Variants in AVEN observed in about 807,000 individuals in gnomAD.
AVEN encodes cell death regulator Aven.
In AVEN, 41 loss-of-function variants were observed where a neutral mutation model predicts 38.1. The ratio of observed to expected loss-of-function variants is 1.08; its 90% CI spans 0.84 to 1.40. The LOEUF is 1.40. Among genes scored for constraint, AVEN ranks in the 40% most tolerant of loss-of-function variants. AVEN has a pLI of 0.00. For missense variants in AVEN, 605 were observed against 438.8 expected, an observed-to-expected ratio of 1.38 and a Z score of -3.38; for synonymous variants, 206 against 171.8, an observed-to-expected ratio of 1.20 and a Z score of -1.56.
At chr15:33,863,831 G>A (rs1458087546), downstream of AVEN, among the ~76,000 whole-genome samples, 10 of 152,116 alleles carry the variant, frequency 6.6e-5, no homozygotes, top group Admixed American at 6.5e-4. Context: ...CCATTTTATT[G>A]TTTTATTAGA....
rs1346419680 is a variant in AVEN at position 33,859,861 on chromosome 15, A to AT, written n.2730-768dup. ...TTACTTGTTAATTTAGCAAGAACTA[A>AT]TTTAGCATCTACTATACCTGAGGCT... On this transcript the variant is annotated intron_variant and non_coding_transcript_variant, in intron 11 of 11. Transcript: ENST00000675287. 1.3e-5 allele frequency: 13 copies of AT among 1,012,598 alleles called. No homozygotes were observed. The Admixed American group carries it at 3.2e-4, about 25-fold the overall frequency. The allele number at this position is 1,012,598 out of a possible 1,614,324, so 62.7% of individuals were successfully genotyped here.
chr15:34,031,414 A>G (rs1898813288), intron 1 of AVEN, among the ~76,000 whole-genome samples: 1 of 151,956 alleles, frequency 6.6e-6, no homozygotes, highest in Non-Finnish European at 1.5e-5. Flanking sequence ...ACCTCAGGTG[A>G]TCTGCCTGCC....
chr15:33,901,035 G>A (rs563299209), intron 2 of AVEN, among the ~76,000 whole-genome samples: 38 of 152,308 alleles, frequency 2.5e-4, no homozygotes, highest in African/African-American at 8.9e-4. Flanking sequence ...GGGAGGCCAA[G>A]GCAGGCACAT....
downstream of AVEN, chr15:33,864,974 G>A: frequency 1.7e-6 from 1 of 573,416 alleles, no homozygotes; most frequent in Non-Finnish European, 3.1e-6. Context: ...TTCCCAAACA[G>A]CCTGTGCTGG....
intron 2 of AVEN, among the ~76,000 whole-genome samples, chr15:33,979,194 G>A (rs1896025865): frequency 6.6e-6 from 1 of 152,124 alleles, no homozygotes; most frequent in African/African-American, 2.4e-5. Flanking sequence ...AATAAAAATT[G>A]GAATTTAAAT....
chr15:33,988,974 G>C (rs1459237281), intron 2 of AVEN, among the ~76,000 whole-genome samples: 1 of 151,126 alleles, frequency 6.6e-6, no homozygotes, highest in East Asian at 1.9e-4. Context: ...TTTTTCCTTT[G>C]TCTTTACAGC....
At chr15:34,035,786 T>G (rs1899087915) in intron 1 of AVEN, among the ~76,000 whole-genome samples, 1 of 110,746 alleles carries the variant, frequency 9.0e-6, no homozygotes, top group Non-Finnish European at 2.5e-5. Flanking sequence ...GGATTATTTA[T>G]TCATTTAGTT....
intron 2 of AVEN, chr15:33,883,848 C>T (rs1424444110): frequency 1.3e-5 from 2 of 152,070 alleles, no homozygotes; most frequent in Non-Finnish European, 2.9e-5. Flanking sequence ...GTATTTGAGA[C>T]AAAATATTCA....
At chr15:33,858,074 A>C, downstream of AVEN, 2 of 932,850 alleles carry the variant, frequency 2.1e-6, no homozygotes, top group South Asian at 1.8e-5. Flanking sequence ...GTCTTCTCCA[A>C]ACAGGAGAGT....
chr15:33,899,460 C>CCTTTTTTTTTTTTTTTTTTTTT (rs1892391107), intron 2 of AVEN, among the ~76,000 whole-genome samples: 1 of 65,430 alleles, frequency 1.5e-5, no homozygotes, highest in African/African-American at 5.7e-5. Flanking sequence ...CAGGGAAAAC[C>CCTTTTTTTTTTTTTTTTTTTTT]TTTTTTTTTT....
At chr15:33,888,399 G>A (rs746336878) in intron 2 of AVEN, among the ~76,000 whole-genome samples, 1 of 152,166 alleles carries the variant, frequency 6.6e-6, no homozygotes. Flanking sequence ...CTGATCCGAC[G>A]GAAAACAAAG....
At chr15:34,075,239 G>T (rs1450726083), upstream of AVEN, among the ~76,000 whole-genome samples, 8 of 140,714 alleles carry the variant, frequency 5.7e-5, no homozygotes, top group Non-Finnish European at 1.2e-4. Flanking sequence ...ATAAAGGAAA[G>T]AAGTTTAATT....
intron 2 of AVEN, among the ~76,000 whole-genome samples, chr15:33,933,120 T>C (rs1275498292): frequency 1.3e-5 from 2 of 152,116 alleles, no homozygotes; most frequent in Admixed American, 1.3e-4. Context: ...TAATCAGAGA[T>C]GAAGATGAAG....
At chr15:33,988,749 G>A (rs1896590464) in intron 2 of AVEN, among the ~76,000 whole-genome samples, 1 of 152,202 alleles carries the variant, frequency 6.6e-6, no homozygotes, top group Non-Finnish European at 1.5e-5. Flanking sequence ...CAGAATTACA[G>A]GGTTGAAAAA....
downstream of AVEN, among the ~76,000 whole-genome samples, chr15:33,861,369 G>A (rs150100221): frequency 4.4e-3 from 672 of 152,130 alleles, 6 homozygotes; most frequent in African/African-American, 0.016. Flanking sequence ...GACAATTCCC[G>A]CTCCTAGCAA....
chr15:33,881,670 A>G (rs1891490917), intron 2 of AVEN, among the ~76,000 whole-genome samples: 1 of 152,252 alleles, frequency 6.6e-6, no homozygotes, highest in South Asian at 2.1e-4. Flanking sequence ...GTGTTGTTAC[A>G]TACACACAAA....
At chr15:33,961,574 G>A (rs544307292) in intron 2 of AVEN, among the ~76,000 whole-genome samples, 15 of 152,092 alleles carry the variant, frequency 9.9e-5, no homozygotes, top group East Asian at 1.9e-4. Context: ...AGCACTTTGG[G>A]AGGCCAAGGT....
chr15:34,068,463 T>C (rs578194883), intron 2 of AVEN, among the ~76,000 whole-genome samples: 23 of 152,262 alleles, frequency 1.5e-4, no homozygotes, highest in Non-Finnish European at 2.9e-4. Flanking sequence ...CGATTTGGCC[T>C]GGCAAAGTGC....
At chr15:33,955,612 G>C (rs1261997043) in intron 2 of AVEN, among the ~76,000 whole-genome samples, 1 of 152,170 alleles carries the variant, frequency 6.6e-6, no homozygotes, top group Non-Finnish European at 1.5e-5. Flanking sequence ...AAAATAAAAT[G>C]AGTGATGAGG....
Sources: allele counts gnomAD v4.1 joint callset (sites outside exome capture counted in the v4.1 genomes callset), GRCh38; gene constraint gnomAD v4.1.1; transcripts MANE v1.5; gene names NCBI Gene and HGNC (gene_info 2026-07-23, HGNC 2026-07-21).